Variants in NRXN3 observed in about 807,000 individuals in gnomAD.
NRXN3 encodes the protein neurexin III.
Under a neutral mutation model 137.6 loss-of-function variants are expected in NRXN3, and 32 were observed. That is an observed-to-expected ratio of 0.23 (90% CI 0.18 to 0.31). The LOEUF is 0.31. Among genes scored for constraint, NRXN3 ranks in the 10% least tolerant of loss-of-function variants. The pLI is 1.00. For synonymous variants in NRXN3, 798 were observed against 784.5 expected (o/e 1.02, Z -0.29); for missense variants, 1,574 against 2,062.5 (o/e 0.76, Z 4.59).
chr14:78,484,653 G>A (rs757421814), intron 4 of NRXN3, among the ~76,000 whole-genome samples: 31 of 152,098 alleles, frequency 2.0e-4, no homozygotes, highest in Non-Finnish European at 4.0e-4. Flanking sequence ...TGGGAGTTGG[G>A]GTTTGGGTTT....
At chr14:78,348,778 G>A (rs1175021396) in intron 4 of NRXN3, among the ~76,000 whole-genome samples, 2 of 152,166 alleles carry the variant, frequency 1.3e-5, no homozygotes, top group Non-Finnish European at 2.9e-5. Flanking sequence ...TGAGCTCTGT[G>A]GGTGACTGTA....
intron 13 of NRXN3, 50 bp downstream of exon 13, chr14:78,967,448 G>T: frequency 7.3e-7 from 1 of 1,361,690 alleles, no homozygotes; most frequent in Non-Finnish European, 1.0e-6. Flanking sequence ...TCTTACAATA[G>T]ATAGACTATT....
chr14:79,223,892 G>A (rs1395239945), intron 15 of NRXN3, among the ~76,000 whole-genome samples: 1 of 151,942 alleles, frequency 6.6e-6, no homozygotes, highest in African/African-American at 2.4e-5. Context: ...TTTTAATAAC[G>A]AGCTATTGCA....
intron 6 of NRXN3, among the ~76,000 whole-genome samples, chr14:78,670,855 C>T (rs1389192404): frequency 6.6e-6 from 1 of 152,108 alleles, no homozygotes; most frequent in East Asian, 1.9e-4. Context: ...TGTAGGTATG[C>T]TGGAGGAGAG....
intron 4 of NRXN3, among the ~76,000 whole-genome samples, chr14:78,444,867 C>T (rs542929144): frequency 2.3e-4 from 30 of 129,676 alleles, no homozygotes; most frequent in African/African-American, 7.5e-4. Context: ...TGCAGTGAGC[C>T]GAGATCGCAC....
chr14:79,531,755 C>T (rs565625437), intron 16 of NRXN3, among the ~76,000 whole-genome samples: 3 of 152,084 alleles, frequency 2.0e-5, no homozygotes, highest in African/African-American at 7.2e-5. Context: ...TATTTGGGAG[C>T]AGAAGTAACT....
chr14:78,722,439 C>T (rs917253585), intron 8 of NRXN3, among the ~76,000 whole-genome samples: 3 of 152,194 alleles, frequency 2.0e-5, no homozygotes, highest in Non-Finnish European at 4.4e-5. Context: ...TTATGAGAAA[C>T]AAGTGCTTTG....
At chr14:78,427,870 C>T (rs982725775) in intron 4 of NRXN3, among the ~76,000 whole-genome samples, 30 of 152,314 alleles carry the variant, frequency 2.0e-4, no homozygotes, top group African/African-American at 6.5e-4. Flanking sequence ...TCCTGACCTT[C>T]CACTGAAGAA....
At chr14:78,425,823 CT>C (rs1358919877) in intron 4 of NRXN3, among the ~76,000 whole-genome samples, 5 of 152,104 alleles carry the variant, frequency 3.3e-5, no homozygotes, top group African/African-American at 9.7e-5. Flanking sequence ...TCCTGTCTGG[CT>C]AGTTATTTAT....
intron 19 of NRXN3, among the ~76,000 whole-genome samples, chr14:79,789,306 A>AGAT (rs1568257941): frequency 6.6e-6 from 1 of 152,126 alleles, no homozygotes; most frequent in Non-Finnish European, 1.5e-5. Flanking sequence ...AACATTTTAG[A>AGAT]GATGGCTTTG....
chr14:78,255,237 C>T (rs979257903), intron 2 of NRXN3, among the ~76,000 whole-genome samples: 1 of 150,880 alleles, frequency 6.6e-6, no homozygotes, highest in Admixed American at 6.6e-5. Flanking sequence ...CTTTTAAGAG[C>T]AAAGCCCACA....
intron 2 of NRXN3, among the ~76,000 whole-genome samples, chr14:78,254,637 C>T (rs2069212156): frequency 6.7e-6 from 1 of 149,318 alleles, no homozygotes; most frequent in Admixed American, 6.7e-5. Flanking sequence ...GAGATCACGC[C>T]ACTGCACTCC....
At chr14:78,959,877 G>T (rs1471152675) in intron 11 of NRXN3, among the ~76,000 whole-genome samples, 1 of 152,054 alleles carries the variant, frequency 6.6e-6, no homozygotes, top group African/African-American at 2.4e-5. Flanking sequence ...CTGAAAAGCA[G>T]CCACTAGATG....
chr14:79,133,338 A>G (rs772490586), intron 15 of NRXN3, among the ~76,000 whole-genome samples: 3 of 151,534 alleles, frequency 2.0e-5, no homozygotes, highest in Non-Finnish European at 2.9e-5. Flanking sequence ...CCCCTCTAGA[A>G]GTTTATGTTA....
At chr14:79,133,513 C>T (rs2057836066) in intron 15 of NRXN3, among the ~76,000 whole-genome samples, 1 of 152,128 alleles carries the variant, frequency 6.6e-6, no homozygotes, top group Non-Finnish European at 1.5e-5. Context: ...TCATTACTAC[C>T]TGTTATCTCT....
At chr14:78,605,694 C>T (rs898149211) in intron 4 of NRXN3, among the ~76,000 whole-genome samples, 2 of 150,662 alleles carry the variant, frequency 1.3e-5, no homozygotes, top group Admixed American at 1.3e-4. Flanking sequence ...ATTTGAACAT[C>T]TACATTTGTT....
At chr14:79,628,931 A>G (rs1429172893) in intron 16 of NRXN3, among the ~76,000 whole-genome samples, 1 of 152,202 alleles carries the variant, frequency 6.6e-6, no homozygotes, top group Non-Finnish European at 1.5e-5. Context: ...ACCACTTTTC[A>G]GAGTTATTGA....
At chr14:79,097,177 C>T in intron 15 of NRXN3, among the ~76,000 whole-genome samples, 1 of 152,204 alleles carries the variant, frequency 6.6e-6, no homozygotes, top group South Asian at 2.1e-4. Context: ...CTGCAACATG[C>T]TCAACTGAGA....
At chr14:79,130,128 A>G (rs971372749) in intron 15 of NRXN3, among the ~76,000 whole-genome samples, 3 of 150,500 alleles carry the variant, frequency 2.0e-5, no homozygotes, top group African/African-American at 7.3e-5. Flanking sequence ...TTGACTCTTT[A>G]TCCAATTTGC....
Sources: allele counts gnomAD v4.1 joint callset (sites outside exome capture counted in the v4.1 genomes callset), GRCh38; gene constraint gnomAD v4.1.1; transcripts MANE v1.5; gene names NCBI Gene and HGNC (gene_info 2026-07-23, HGNC 2026-07-21).